GAK: variants seen among roughly 807,000 people sequenced by gnomAD.
The protein encoded by GAK is cyclin-G-associated kinase.
A neutral mutation model predicts 143.9 loss-of-function variants in GAK; 79 were observed. The ratio of observed to expected loss-of-function variants is 0.55; its 90% CI spans 0.46 to 0.66. The LOEUF (loss-of-function observed/expected upper bound fraction) is 0.66. Ranked by LOEUF, GAK falls within the 30% of genes least tolerant of loss-of-function variation. The pLI is 0.00. For missense variants in GAK, 1,693 were observed against 1,779.7 expected (o/e 0.95, Z 0.88); for synonymous variants, 881 against 765.5 (o/e 1.15, Z -2.49).
chr4:852,053 C>A, intron 24 of GAK, 79 bp from the exon 25 acceptor site: 2 of 1,215,042 alleles, frequency 1.6e-6, no homozygotes, highest in South Asian at 1.3e-5. Flanking sequence ...CAGAGCACCA[C>A]GTATATTGGA....
At chr4:872,977 G>A (rs1010162551) in intron 18 of GAK, among the ~76,000 whole-genome samples, 2 of 149,760 alleles carry the variant, frequency 1.3e-5, no homozygotes, top group Non-Finnish European at 1.5e-5. Flanking sequence ...GCCCAGGCAC[G>A]GCGCAGGCTC....
chr4:903,559 G>A (rs1437614750), intron 5 of GAK, among the ~76,000 whole-genome samples: 3 of 142,360 alleles, frequency 2.1e-5, no homozygotes, highest in Non-Finnish European at 4.7e-5. Context: ...AGCAGGAGTT[G>A]GGGGCCTGGG....
At chr4:849,833 G>GGGCCCCCCC in intron 27 of GAK, 59 bp from the exon 28 acceptor site, 4 of 1,190,148 alleles carry the variant, frequency 3.4e-6, no homozygotes, top group Non-Finnish European at 4.6e-6. Context: ...GGCGGGGCAG[G>GGGCCCCCCC]ACCCCCCCCC....
In GAK at chr4:867,080, C is replaced by G; in HGVS notation, c.2748G>C (p.Gly916=). The G allele has an allele frequency of 6.5e-7, 1 of 1,545,988 alleles. No individual in the cohort carries two copies. Among genetic ancestry groups the G allele is most frequent in the Non-Finnish European group, 8.7e-7 (1 of 1,145,382 alleles). ...GCCCCTGGGAGGCGGCCTCAGGGGGCCCAAGGAGGCAGCTGAGCAGGTCGG... is the reference window on the plus strand; with the variant it reads ...GCCCCTGGGAGGCGGCCTCAGGGGGGCCAAGGAGGCAGCTGAGCAGGTCGG... ...SNTDLLSCLL[G]PPEAASQGPP... The change falls in exon 21 of 28, where the codon GGG becomes GGC. Residue 916 remains glycine (G), a synonymous_variant. Coordinates refer to ENST00000314167, the MANE Select transcript of GAK (RefSeq NM_005255.4).
chr4:858,147 C>T (rs551554094), intron 24 of GAK, among the ~76,000 whole-genome samples: 2 of 152,340 alleles, frequency 1.3e-5, no homozygotes, highest in Middle Eastern at 3.4e-3. Flanking sequence ...TGGAAAGGTC[C>T]GTGCCTGCAG....
chr4:858,849 C>T (rs2279176), intron 24 of GAK, among the ~76,000 whole-genome samples: 5,159 of 152,254 alleles, frequency 0.034, 173 homozygotes, highest in East Asian at 0.18. Context: ...GGGAAATGCT[C>T]CCGGAGCTGA....
chr4:893,771 TG>T (rs1560380055), intron 8 of GAK, 102 bp downstream of exon 8: 1 of 1,337,014 alleles, frequency 7.5e-7, no homozygotes, highest in Non-Finnish European at 1.0e-6. Flanking sequence ...CGGGCGGGAG[TG>T]GGGCCAGGTG....
chr4:871,694 G>A (rs912755927), intron 18 of GAK, among the ~76,000 whole-genome samples: 4 of 150,974 alleles, frequency 2.6e-5, no homozygotes, highest in Middle Eastern at 3.4e-3. Context: ...TGTCGGCCAT[G>A]TGGGTGGGGA....
intron 1 of GAK, among the ~76,000 whole-genome samples, chr4:914,932 CA>C (rs1722846470): frequency 8.0e-6 from 1 of 124,416 alleles, no homozygotes; most frequent in Non-Finnish European, 1.7e-5. Flanking sequence ...ATACGGCCCC[CA>C]ACACACACAG....
At chr4:861,692 TC>T (rs1750303543) in intron 23 of GAK, among the ~76,000 whole-genome samples, 1 of 152,246 alleles carries the variant, frequency 6.6e-6, no homozygotes, top group South Asian at 2.1e-4. Context: ...AGAATGCCAC[TC>T]CAGTGAACAC....
chr4:883,291 A>G (rs1036352045), intron 13 of GAK, 24 bp downstream of exon 13: 1 of 1,611,012 alleles, frequency 6.2e-7, no homozygotes, highest in African/African-American at 1.3e-5. Flanking sequence ...GAGTGGCACC[A>G]AGACAAAGCC....
intron 5 of GAK, among the ~76,000 whole-genome samples, chr4:902,744 A>T (rs1425601245): frequency 6.6e-6 from 1 of 152,128 alleles, no homozygotes; most frequent in East Asian, 1.9e-4. Context: ...ACACAACAGC[A>T]GGAGTGAAAA....
intron 15 of GAK, among the ~76,000 whole-genome samples, chr4:880,291 T>C (rs1266939197): frequency 6.6e-6 from 1 of 151,914 alleles, no homozygotes; most frequent in East Asian, 1.9e-4. Flanking sequence ...GCACCCTGCA[T>C]GAGGGTCCTC....
At chr4:884,004 G>T in intron 12 of GAK, 33 bp downstream of exon 12, 1 of 1,602,888 alleles carries the variant, frequency 6.2e-7, no homozygotes, top group South Asian at 1.1e-5. Context: ...GAAGGGCCGG[G>T]GCGCGTCCCA....
At chr4:866,616 C>T (rs1751230166) in intron 21 of GAK, 82 bp from the exon 22 acceptor site, 1 of 1,455,504 alleles carries the variant, frequency 6.9e-7, no homozygotes, top group African/African-American at 1.4e-5. Flanking sequence ...CAGGCCTGCC[C>T]AAGAGGCCAC....
rs560774126 is a variant in GAK, at chr4:922,890, G to A, written c.145+9153C>T. Reference sequence around the variant, plus strand: ...GCTTTATCTGTAGTAGCCAAAACAGGAAACAGCCCAGATGTCCTTCCACGG... The same window carrying A: ...GCTTTATCTGTAGTAGCCAAAACAGAAAACAGCCCAGATGTCCTTCCACGG... On this transcript the variant is annotated intron_variant, in intron 1 of 27. Transcript: ENST00000314167. 2.0e-5 allele frequency among the ~76,000 whole-genome samples: 3 copies of A among 152,298 alleles called. No individual in the cohort carries two copies. The East Asian group carries it at 5.8e-4, about 29-fold the overall frequency.
intron 11 of GAK, chr4:886,339 G>C (rs1178463795): frequency 6.6e-6 from 1 of 152,208 alleles, no homozygotes. Flanking sequence ...ATGGGTCCCA[G>C]CAGAGCCATT....
At chr4:853,310 C>G (rs79006606) in intron 24 of GAK, 6,041 of 152,328 alleles carry the variant, frequency 0.04, 145 homozygotes, top group East Asian at 0.1. Context: ...TGTTTGGCTA[C>G]AACAGACACG....
chr4:854,492 G>T (rs4690340), intron 24 of GAK, among the ~76,000 whole-genome samples: 25,214 of 152,124 alleles, frequency 0.17, 2,257 homozygotes, highest in Middle Eastern at 0.31. Flanking sequence ...TTCACCTAAA[G>T]GCCCTGCATT....
Sources: allele counts gnomAD v4.1 joint callset (sites outside exome capture counted in the v4.1 genomes callset), GRCh38; gene constraint gnomAD v4.1.1; transcripts MANE v1.5; gene names NCBI Gene and HGNC (gene_info 2026-07-23, HGNC 2026-07-21).